CNIH3: variants seen among roughly 807,000 people sequenced by gnomAD.
The protein encoded by CNIH3 is cornichon family AMPA receptor auxiliary protein 3, also known as protein cornichon homolog 3.
Under a neutral mutation model 24.1 loss-of-function variants are expected in CNIH3, and 14 were observed. That is an observed-to-expected ratio of 0.58 (90% confidence interval 0.38 to 0.91). The LOEUF is 0.91. Ranked by LOEUF, CNIH3 falls within the 40% of genes least tolerant of loss-of-function variation. The pLI is 0.00. For synonymous variants in CNIH3, 68 were observed against 73.8 expected, an observed-to-expected ratio of 0.92 and a Z score of 0.40; for missense variants, 178 against 196.8, an observed-to-expected ratio of 0.90 and a Z score of 0.57.
At position 224,579,050 on chromosome 1, in the gene CNIH3, G is replaced by T. The variant is rs191071890; in HGVS notation, n.517-4114G>T. On this transcript the variant is annotated intron_variant and non_coding_transcript_variant, in intron 4 of 5. Coordinates refer to the CNIH3 transcript ENST00000471578. ...GTTCAGATGTTGGACCTCCTGAACT[G>T]ATCATGTTTCTTTTTTCTTTTTTTT... is the stretch of plus-strand genomic sequence containing the variant. Among the ~76,000 whole-genome samples, 3 of 149,642 alleles carry T rather than the reference G, an allele frequency of 2.0e-5. No individual in the cohort carries two copies. In the East Asian group the frequency reaches 5.9e-4, roughly 30 times the overall value.
intron 4 of CNIH3, chr1:224,574,401 G>T: frequency 7.7e-6 from 4 of 518,902 alleles, no homozygotes; most frequent in Admixed American, 6.7e-5. Flanking sequence ...GAGGTACATG[G>T]TTCTGGGTGG....
chr1:224,469,426 T>G (rs1408475517), intron 1 of CNIH3, among the ~76,000 whole-genome samples: 1 of 152,198 alleles, frequency 6.6e-6, no homozygotes, highest in Non-Finnish European at 1.5e-5. Flanking sequence ...TTATATTGAC[T>G]GATTTTCAAA....
At chr1:224,671,406 G>A (rs1179864588) in intron 1 of CNIH3, among the ~76,000 whole-genome samples, 1 of 152,224 alleles carries the variant, frequency 6.6e-6, no homozygotes, top group African/African-American at 2.4e-5. Flanking sequence ...TGCTAAGCCT[G>A]CTGTGTCCTG....
intron 3 of CNIH3, among the ~76,000 whole-genome samples, chr1:224,603,169 T>C (rs944139044): frequency 8.0e-6 from 1 of 124,292 alleles, no homozygotes; most frequent in Non-Finnish European, 1.7e-5. Flanking sequence ...CCATTATGTA[T>C]TTGTCTTTGC....
chr1:224,576,280 A>G (rs957417810), intron 4 of CNIH3, among the ~76,000 whole-genome samples: 2 of 152,244 alleles, frequency 1.3e-5, no homozygotes, highest in African/African-American at 2.4e-5. Flanking sequence ...GGGAGTATCC[A>G]TAAACTTTTT....
At chr1:224,666,071 T>G (rs2125123435) in intron 1 of CNIH3, among the ~76,000 whole-genome samples, 1 of 152,278 alleles carries the variant, frequency 6.6e-6, no homozygotes, top group South Asian at 2.1e-4. Context: ...CTGTTCCAAG[T>G]TCAGAAATAC....
Position 224,453,335 on chromosome 1 carries a change from A to G in CNIH3, n.203+18473A>G, listed in dbSNP as rs576019799. ...GCTGGGTCCACAGACATGAGCCACC[A>G]TGCCTGGCCATTTTTTCTTTTTTCT... On this transcript the variant is annotated intron_variant and non_coding_transcript_variant, in intron 1 of 5. Coordinates refer to the CNIH3 transcript ENST00000471578. Among the ~76,000 whole-genome samples, 16 of 151,332 alleles carry G rather than the reference A, an allele frequency of 1.1e-4. No individual in the cohort carries two copies. The South Asian group carries it at 2.7e-3, about 26-fold the overall frequency.
At chr1:224,477,616 A>G (rs1676640951) in intron 1 of CNIH3, among the ~76,000 whole-genome samples, 1 of 152,292 alleles carries the variant, frequency 6.6e-6, no homozygotes, top group Non-Finnish European at 1.5e-5. Flanking sequence ...TATACTGTCT[A>G]TGTCATGAAA....
At chr1:224,467,910 C>T (rs1676214337) in intron 1 of CNIH3, among the ~76,000 whole-genome samples, 1 of 143,828 alleles carries the variant, frequency 7.0e-6, no homozygotes. Context: ...GGCCTACAGA[C>T]TTTTTTTTTT....
intron 1 of CNIH3, among the ~76,000 whole-genome samples, chr1:224,453,816 G>A (rs771388312): frequency 3.9e-5 from 6 of 151,970 alleles, no homozygotes; most frequent in Admixed American, 6.6e-5. Context: ...GACAAGTTTT[G>A]AAAGATTTTC....
At chr1:224,548,208 TG>T (rs1200843777) in intron 3 of CNIH3, among the ~76,000 whole-genome samples, 1 of 152,044 alleles carries the variant, frequency 6.6e-6, no homozygotes, top group Non-Finnish European at 1.5e-5. Context: ...TCACAATGGG[TG>T]TACACCCTGT....
At chr1:224,686,990 C>T (rs888276318) in intron 3 of CNIH3, among the ~76,000 whole-genome samples, 7 of 152,318 alleles carry the variant, frequency 4.6e-5, no homozygotes, top group South Asian at 4.1e-4. Flanking sequence ...CTTTTTCCCA[C>T]GCCACTGCCT....
chr1:224,698,768 T>C (rs147841319), intron 3 of CNIH3, among the ~76,000 whole-genome samples: 127 of 152,254 alleles, frequency 8.3e-4, no homozygotes, highest in African/African-American at 2.9e-3. Flanking sequence ...AGAAGATGAG[T>C]AAGGGCACTA....
At chr1:224,671,727 C>T (rs1475954399) in intron 1 of CNIH3, among the ~76,000 whole-genome samples, 2 of 152,212 alleles carry the variant, frequency 1.3e-5, no homozygotes, top group Non-Finnish European at 2.9e-5. Context: ...TGACATCTGG[C>T]ATTACACTTT....
intron 1 of CNIH3, among the ~76,000 whole-genome samples, chr1:224,679,308 C>T (rs1686288562): frequency 6.6e-6 from 1 of 152,028 alleles, no homozygotes; most frequent in African/African-American, 2.4e-5. Flanking sequence ...CCACTGCATT[C>T]CAGCCTGGCT....
chr1:224,695,539 A>G (rs995080803), intron 3 of CNIH3, among the ~76,000 whole-genome samples: 1 of 152,198 alleles, frequency 6.6e-6, no homozygotes, highest in Admixed American at 6.5e-5. Flanking sequence ...GGGTGAAATT[A>G]TCTGCTCACC....
chr1:224,564,326 G>A (rs1680494382), intron 3 of CNIH3, among the ~76,000 whole-genome samples: 1 of 152,200 alleles, frequency 6.6e-6, no homozygotes, highest in African/African-American at 2.4e-5. Flanking sequence ...TTTCTAAAAT[G>A]ACGAAAATGG....
At chr1:224,536,284 CTTT>C (rs373201561) in intron 2 of CNIH3, among the ~76,000 whole-genome samples, 267 of 86,066 alleles carry the variant, frequency 3.1e-3, no homozygotes, top group African/African-American at 0.013. Context: ...TAATTGTTGT[CTTT>C]TTTTTTTTTT....
chr1:224,524,589 A>G (rs1478737524), intron 2 of CNIH3, among the ~76,000 whole-genome samples: 1 of 152,182 alleles, frequency 6.6e-6, no homozygotes, highest in East Asian at 1.9e-4. Flanking sequence ...TGTAGAGGGA[A>G]TGACTTAGTT....
Sources: gnomAD v4.1 joint callset for allele counts (sites outside exome capture counted in the v4.1 genomes callset) on GRCh38, gnomAD v4.1.1 for gene constraint, MANE v1.5 for transcripts, NCBI Gene and HGNC (gene_info 2026-07-23, HGNC 2026-07-21) for gene names.